Variants in DDO observed in about 807,000 individuals in gnomAD.
DDO encodes the protein D-aspartate oxidase, DDO.
In DDO, 16 loss-of-function variants were observed where a neutral mutation model predicts 16.8. The ratio of observed to expected loss-of-function variants is 0.95; its 90% confidence interval spans 0.65 to 1.45. The LOEUF is 1.45. Ranked by LOEUF, DDO falls within the 40% of genes most tolerant of loss-of-function variation. The pLI is 0.00. For synonymous variants in DDO, 180 were observed against 167.2 expected (o/e 1.08, Z -0.59); for missense variants, 429 against 420.3 (o/e 1.02, Z -0.18).
At chr6:110,403,663 A>G (rs779014690) in intron 4 of DDO, among the ~76,000 whole-genome samples, 1 of 152,246 alleles carries the variant, frequency 6.6e-6, no homozygotes, top group Non-Finnish European at 1.5e-5. Context: ...AAACTAGATT[A>G]CGATGCCACT....
At chr6:110,411,746 A>C (rs140914023) in intron 2 of DDO, among the ~76,000 whole-genome samples, 25 of 152,298 alleles carry the variant, frequency 1.6e-4, no homozygotes, top group African/African-American at 5.8e-4. Flanking sequence ...TTCAGAAGGG[A>C]GGACGGTTTA....
intron 2 of DDO, among the ~76,000 whole-genome samples, chr6:110,410,485 A>G (rs1194196378): frequency 6.6e-6 from 1 of 152,218 alleles, no homozygotes; most frequent in Non-Finnish European, 1.5e-5. Flanking sequence ...GTAATTTATA[A>G]AGGAAAGAAG....
intron 2 of DDO, among the ~76,000 whole-genome samples, chr6:110,408,953 G>A (rs1484389016): frequency 6.6e-6 from 1 of 152,216 alleles, no homozygotes; most frequent in Admixed American, 6.5e-5. Context: ...CCTCGATGGG[G>A]AGTTCCAGGG....
At position 110,395,279 on chromosome 6, in the gene DDO, G is replaced by A. The variant is rs144760093; in HGVS notation, c.459-1937C>T. ...TTTCCAAGGAAGAAAGAATTCCTTC[G>A]CTGGACTGCCTTCCAACTGGGACAT... On this transcript the variant is annotated intron_variant, in intron 4 of 4. Transcript: ENST00000368924. Among the ~76,000 whole-genome samples, 7 of 152,064 alleles carry A rather than the reference G, an allele frequency of 4.6e-5. 1 individual carries two copies. Among genetic ancestry groups the A allele is most frequent in the Non-Finnish European group, 1.0e-4 (7 of 67,980 alleles).
intron 4 of DDO, among the ~76,000 whole-genome samples, chr6:110,401,812 T>C (rs961407676): frequency 6.6e-6 from 1 of 152,174 alleles, no homozygotes; most frequent in Non-Finnish European, 1.5e-5. Flanking sequence ...GAATAGGATA[T>C]TTACATAGTT....
At chr6:110,393,456 C>CA (rs1773184210) in intron 4 of DDO, 114 bp from the exon 5 acceptor site, 1 of 1,433,792 alleles carries the variant, frequency 7.0e-7, no homozygotes, top group Admixed American at 2.8e-5. Flanking sequence ...GATGAACAAA[C>CA]ACCTCAGGAG....
Position 110,392,940 on chromosome 6 carries a change from C to T in DDO, c.861G>A (p.Gln287=), listed in dbSNP as rs143752545. The change falls in exon 5 of 5, where the codon CAG becomes CAA. Residue 287 remains glutamine, a synonymous_variant. Transcript: ENST00000368924. ...LRPYRPGVRL[Q]TELLARDGQR... Reference sequence around the variant, plus strand: ...GTCCATCTCGCGCAAGGAGCTCTGTCTGCAGTCGCACGCCTGGCCTGTAGG... The same window carrying T: ...GTCCATCTCGCGCAAGGAGCTCTGTTTGCAGTCGCACGCCTGGCCTGTAGG... The T allele has an allele frequency of 1.2e-4, 194 of 1,614,092 alleles. No individual in the cohort carries two copies. The highest frequency in any genetic ancestry group is 1.5e-4 in the Non-Finnish European group (179 of 1,180,028).
At chr6:110,396,704 T>C (rs545101267) in intron 4 of DDO, among the ~76,000 whole-genome samples, 3 of 152,246 alleles carry the variant, frequency 2.0e-5, no homozygotes, top group African/African-American at 7.2e-5. Flanking sequence ...TGTTTGTTTG[T>C]TTGTTTGTTT....
intron 3 of DDO, among the ~76,000 whole-genome samples, chr6:110,408,036 C>T (rs1773715606): frequency 6.6e-6 from 1 of 152,206 alleles, no homozygotes; most frequent in Non-Finnish European, 1.5e-5. Flanking sequence ...CCAGCATTTA[C>T]CTCCTGCGTG....
chr6:110,407,434 A>G (rs1048302337), intron 3 of DDO, among the ~76,000 whole-genome samples: 3 of 152,204 alleles, frequency 2.0e-5, no homozygotes, highest in African/African-American at 7.2e-5. Flanking sequence ...GAGGAAAAAC[A>G]AGAAGAGAAA....
chr6:110,400,706 A>G (rs536300562), intron 4 of DDO, among the ~76,000 whole-genome samples: 4 of 152,352 alleles, frequency 2.6e-5, no homozygotes, highest in African/African-American at 4.8e-5. Flanking sequence ...CAATGCTTCA[A>G]TGAAAGCTTG....
Position 110,413,392 on chromosome 6 carries a change from T to A in DDO, c.71A>T (p.Lys24Ile). ...GGTAACGGAGCATCGGGGCACCAGT[T>A]TGGAGATGCACACAGCCGTGGAGAG... The part of the protein sequence containing the change: ...VGLSTAVCIS[K>I]LVPRCSVTII... The change falls in exon 2 of 5, where the codon AAA (lysine) becomes ATA (isoleucine). Residue 24 changes from lysine (K) to isoleucine (I), a missense_variant. Lys to Ile is a moderately radical substitution (Grantham distance 102). Coordinates refer to ENST00000368924, the MANE Select transcript of DDO (RefSeq NM_001372108.2). 1 of 1,614,098 alleles carries A rather than the reference T, an allele frequency of 6.2e-7. No individual in the cohort carries two copies.
chr6:110,394,893 G>A (rs559262526), intron 4 of DDO, among the ~76,000 whole-genome samples: 2 of 152,290 alleles, frequency 1.3e-5, no homozygotes, highest in East Asian at 1.9e-4. Flanking sequence ...CATCTTAGAG[G>A]ACCGATATCA....
At chr6:110,400,222 A>G (rs765426886) in intron 4 of DDO, among the ~76,000 whole-genome samples, 41 of 152,226 alleles carry the variant, frequency 2.7e-4, no homozygotes, top group Admixed American at 5.9e-4. Flanking sequence ...GATGCTTTGG[A>G]AGCAGGAAGA....
intron 3 of DDO, 115 bp from the exon 4 acceptor site, chr6:110,405,065 C>T: frequency 7.5e-6 from 8 of 1,066,696 alleles, no homozygotes; most frequent in Non-Finnish European, 1.1e-5. Flanking sequence ...GAGACAGAGT[C>T]TCACTCCATC....
At chr6:110,409,037 G>A (rs976863759) in intron 2 of DDO, among the ~76,000 whole-genome samples, 3 of 152,220 alleles carry the variant, frequency 2.0e-5, no homozygotes, top group African/African-American at 7.2e-5. Context: ...CTTCCCAGCA[G>A]GGGCTGCCAT....
At position 110,399,687 on chromosome 6, in the gene DDO, G is replaced by C. The variant is rs1047564012; in HGVS notation, c.458+5087C>G. ...GTCGGACGCAGGCTCCGGGCTGCAG[G>C]GAGCTAATCTGCATGGCCAGGGGCC... On this transcript the variant is annotated intron_variant, in intron 4 of 4. Coordinates refer to ENST00000368924, the MANE Select transcript of DDO (RefSeq NM_001372108.2). Among the ~76,000 whole-genome samples, 4 of 152,236 alleles carry C rather than the reference G, an allele frequency of 2.6e-5. No individual in the cohort carries two copies. In the East Asian group the frequency reaches 5.8e-4, roughly 22 times the overall value.
At chr6:110,412,811 A>C (rs183992825) in intron 2 of DDO, among the ~76,000 whole-genome samples, 2 of 152,358 alleles carry the variant, frequency 1.3e-5, no homozygotes, top group East Asian at 3.9e-4. Context: ...TCTGTCCTGC[A>C]GCATAACTGA....
Position 110,404,807 on chromosome 6 carries a change from T to C in DDO, c.425A>G (p.Glu142Gly). Residue 142 changes from glutamate to glycine, a missense_variant, in exon 4 of 5, where the codon GAA becomes GGA. Coordinates refer to ENST00000368924, the MANE Select transcript of DDO (RefSeq NM_001372108.2). Reference protein sequence around the residue: ...FGQAFTTLKCECPAYLPWLEK... With the variant: ...FGQAFTTLKCGCPAYLPWLEK... Reference sequence around the variant, plus strand: ...CAACCACGGGAGGTAGGCAGGGCATTCACATTTCAGGGTTGTAAAAGCCTG... The same window carrying C: ...CAACCACGGGAGGTAGGCAGGGCATCCACATTTCAGGGTTGTAAAAGCCTG... 1 of 1,614,114 alleles carries C rather than the reference T, an allele frequency of 6.2e-7. No homozygotes were observed. The highest frequency in any genetic ancestry group is 1.3e-5 in the African/African-American group (1 of 75,016).
Sources: gnomAD v4.1 joint callset for allele counts (sites outside exome capture counted in the v4.1 genomes callset) on GRCh38, gnomAD v4.1.1 for gene constraint, MANE v1.5 for transcripts, NCBI Gene and HGNC (gene_info 2026-07-23, HGNC 2026-07-21) for gene names.